The following ORC1 variants were observed in gnomAD, a reference collection of about 807,000 sequenced individuals.
The protein encoded by ORC1 is origin recognition complex, subunit 1 homolog.
A neutral mutation model predicts 98.9 loss-of-function variants in ORC1; 61 were observed. The ratio of observed to expected loss-of-function variants is 0.62; its 90% CI spans 0.50 to 0.76. ORC1 has a LOEUF of 0.76. Ranked by LOEUF, ORC1 falls within the 30% of genes least tolerant of loss-of-function variation. The probability of loss-of-function intolerance (pLI) is 0.00; values close to 1 mark genes in which losing one functional copy is unlikely to be tolerated. For missense variants in ORC1, 979 were observed against 1,072.2 expected (o/e 0.91, Z 1.21); for synonymous variants, 385 against 406.9 (o/e 0.95, Z 0.65).
At chr1:52,393,958 T>C (rs1388191042) in intron 5 of ORC1, among the ~76,000 whole-genome samples, 155 bp from the exon 6 acceptor site, 1 of 152,222 alleles carries the variant, frequency 6.6e-6, no homozygotes, top group Non-Finnish European at 1.5e-5. Context: ...CCCAGGTAGC[T>C]CTAATAATTT....
intron 6 of ORC1, among the ~76,000 whole-genome samples, chr1:52,391,067 T>C (rs1386104792): frequency 6.6e-6 from 1 of 151,262 alleles, no homozygotes; most frequent in Non-Finnish European, 1.5e-5. Context: ...TCCCAGTACT[T>C]TGGGAGGCTG....
intron 6 of ORC1, among the ~76,000 whole-genome samples, chr1:52,392,438 A>C (rs893527856): frequency 7.9e-5 from 12 of 152,160 alleles, no homozygotes; most frequent in Non-Finnish European, 1.6e-4. Context: ...AGAAAAGGGA[A>C]CACTTCTACA....
chr1:52,406,913 C>G (rs574611286), upstream of ORC1, among the ~76,000 whole-genome samples: 1 of 152,222 alleles, frequency 6.6e-6, no homozygotes, highest in Non-Finnish European at 1.5e-5. Context: ...ATATTCTTTG[C>G]TACAGTATTC....
chr1:52,393,182 T>C (rs1299752499), intron 6 of ORC1, among the ~76,000 whole-genome samples: 2 of 152,220 alleles, frequency 1.3e-5, no homozygotes, highest in Non-Finnish European at 1.5e-5. Flanking sequence ...TTATCTTCTA[T>C]AGCAATGATC....
intron 3 of ORC1, 66 bp from the exon 4 acceptor site, chr1:52,397,929 T>G: frequency 7.1e-7 from 1 of 1,405,680 alleles, no homozygotes; most frequent in African/African-American, 1.4e-5. Context: ...GAGCAATTCC[T>G]ATGTGCCAGA....
At chr1:52,383,119 A>G (rs1383876814) in intron 13 of ORC1, among the ~76,000 whole-genome samples, 15 of 151,584 alleles carry the variant, frequency 9.9e-5, no homozygotes, top group Admixed American at 9.9e-4. Context: ...GCCAGACTGG[A>G]GTGCAGTGGC....
rs150059660 is a variant in ORC1, at chr1:52,385,922, C to T, written c.1411G>A (p.Ala471Thr). The change falls in exon 9 of 17, where the codon GCT (alanine) becomes ACT (threonine). Residue 471 changes from alanine to threonine, a missense_variant. Coordinates refer to ENST00000371568, the MANE Select transcript of ORC1 (RefSeq NM_004153.4). Reference sequence around the variant, plus strand: ...AGGCTTCGACTACGGATCTGAGGAGCGGCACAACGTGGCGTTCTAGGCTTG... The same window carrying T: ...AGGCTTCGACTACGGATCTGAGGAGTGGCACAACGTGGCGTTCTAGGCTTG... ...SLKPRTPRCA[A>T]PQIRSRSLAA... The T allele has an allele frequency of 1.3e-4, 206 of 1,613,464 alleles. 1 individual carries two copies. The highest frequency in any genetic ancestry group is 1.7e-4 in the Middle Eastern group (1 of 5,756).
Position 52,388,513 on chromosome 1 carries a change from T to C in ORC1, c.1312A>G (p.Thr438Ala). ...GAAGATCGCAGGTTCCTGGACACAG[T>C]TCTGGGTGCTCTCCTTGGAAGGGGC... is the stretch of plus-strand genomic sequence containing the variant. ...TPPLPRRAPR[T>A]VSRNLRSSLK... is the part of the protein sequence containing the mutation. Residue 438 changes from threonine (T) to alanine (A), a missense_variant, in exon 8 of 17, where the codon ACT becomes GCT. Thr to Ala is a moderately conservative substitution (Grantham distance 58). Transcript: ENST00000371568. 6.2e-7 allele frequency: 1 copy of C among 1,614,132 alleles called. No homozygotes were observed. The highest frequency in any genetic ancestry group is 8.5e-7 in the Non-Finnish European group (1 of 1,180,000).
At chr1:52,407,391 A>G (rs144415448), upstream of ORC1, among the ~76,000 whole-genome samples, 762 of 152,202 alleles carry the variant, frequency 5.0e-3, 8 homozygotes, top group African/African-American at 0.017. Context: ...GCTCTGTGCT[A>G]TACTTAGCAC....
rs186425745 is a variant in ORC1 at position 52,393,769 on chromosome 1, T to A, written c.756A>T (p.Ser252=). Residue 252 remains serine, a synonymous_variant, in exon 6 of 17, where the codon TCA becomes TCT. Coordinates refer to ENST00000371568, the MANE Select transcript of ORC1 (RefSeq NM_004153.4). The stretch of plus-strand genomic sequence containing the variant: ...TTCCTGGAGAATCCAAGGAGGCACA[T>A]GAAGTCTGCTGGGACATCTGAGGGT... ...LGNPQMSQQT[S]CASLDSPGRI... The A allele has an allele frequency of 6.2e-7, 1 of 1,613,836 alleles. No individual in the cohort carries two copies. The highest frequency in any genetic ancestry group is 8.5e-7 in the Non-Finnish European group (1 of 1,180,012).
chr1:52,408,808 C>T (rs1294202592), upstream of ORC1: 4 of 1,277,924 alleles, frequency 3.1e-6, no homozygotes, highest in African/African-American at 4.4e-5. Flanking sequence ...TACATTGTTA[C>T]TGTCTCTATG....
chr1:52,379,346 C>T (rs1382727771), intron 14 of ORC1, among the ~76,000 whole-genome samples: 9 of 150,764 alleles, frequency 6.0e-5, no homozygotes, highest in South Asian at 4.2e-4. Context: ...CAGGTTCAAG[C>T]GATTCTCCTG....
At chr1:52,394,594 A>C (rs1378206822) in intron 5 of ORC1, among the ~76,000 whole-genome samples, 1 of 152,200 alleles carries the variant, frequency 6.6e-6, no homozygotes, top group East Asian at 1.9e-4. Flanking sequence ...TGAAAGAGGA[A>C]GAAGAGGGGA....
chr1:52,382,103 C>T (rs528392275), intron 13 of ORC1, among the ~76,000 whole-genome samples: 7 of 152,190 alleles, frequency 4.6e-5, no homozygotes, highest in African/African-American at 1.7e-4. Context: ...CTCAGCCTCC[C>T]AAGTAGCTGG....
chr1:52,405,137 C>A (rs1401688128), upstream of ORC1, among the ~76,000 whole-genome samples: 2 of 152,214 alleles, frequency 1.3e-5, no homozygotes, highest in Non-Finnish European at 2.9e-5. Flanking sequence ...TGATAGCAGG[C>A]TGGGTTGCAA....
Position 52,388,429 on chromosome 1 carries a change from A to G in ORC1, c.1383+13T>C, listed in dbSNP as rs1042562900. 3.7e-6 allele frequency: 6 copies of G among 1,608,388 alleles called. No individual in the cohort carries two copies. In the African/African-American group the frequency reaches 6.7e-5, roughly 18 times the overall value. ...GGATGCTTCAATGGGAAGTAAACCT[A>G]GAAGAACCTTACACTCTTCTTTGGC... On this transcript the variant is annotated intron_variant, in intron 8 of 16. Coordinates refer to ENST00000371568, the MANE Select transcript of ORC1 (RefSeq NM_004153.4).
At chr1:52,379,218 G>C (rs2147915835) in intron 14 of ORC1, among the ~76,000 whole-genome samples, 1 of 151,808 alleles carries the variant, frequency 6.6e-6, no homozygotes, top group Non-Finnish European at 1.5e-5. Context: ...AGGTAAAGGG[G>C]GGTTGTTTAG....
At chr1:52,383,237 C>T (rs559870754) in intron 13 of ORC1, among the ~76,000 whole-genome samples, 183 bp downstream of exon 13, 61 of 151,436 alleles carry the variant, frequency 4.0e-4, no homozygotes, top group African/African-American at 1.2e-3. Context: ...TTAGTAGAGA[C>T]GGGGTTTCAC....
At chr1:52,379,169 A>T (rs1380068725) in intron 14 of ORC1, among the ~76,000 whole-genome samples, 1 of 152,226 alleles carries the variant, frequency 6.6e-6, no homozygotes, top group African/African-American at 2.4e-5. Flanking sequence ...GTTACATTAA[A>T]AATCCTCAAA....
Sources: gnomAD v4.1 joint callset for allele counts (sites outside exome capture counted in the v4.1 genomes callset) on GRCh38, gnomAD v4.1.1 for gene constraint, MANE v1.5 for transcripts, NCBI Gene and HGNC (gene_info 2026-07-23, HGNC 2026-07-21) for gene names.